Variants in VWA5B2 observed in about 807,000 individuals in gnomAD.
VWA5B2 encodes von Willebrand factor A domain-containing protein 5B2.
In VWA5B2, 93 loss-of-function variants were observed where a neutral mutation model predicts 118.5. That is an observed-to-expected ratio of 0.79 (90% CI 0.66 to 0.93). The LOEUF (loss-of-function observed/expected upper bound fraction) is 0.93. VWA5B2 is among the 40% of genes least tolerant of loss of function. The pLI, the probability that VWA5B2 is intolerant of heterozygous loss-of-function variation, is 0.00. For synonymous variants in VWA5B2, 708 were observed against 716.3 expected, an observed-to-expected ratio of 0.99 and a Z score of 0.19; for missense variants, 1,546 against 1,672.8, an observed-to-expected ratio of 0.92 and a Z score of 1.32.
chr3:184,240,599 T>G, intron 16 of VWA5B2, 192 bp from the exon 17 acceptor site: 1 of 757,024 alleles, frequency 1.3e-6, no homozygotes, highest in Non-Finnish European at 2.1e-6. Flanking sequence ...TGCTCTGCTA[T>G]GGGTTGAAGA....
chr3:184,231,712 C>A (rs980899410), intron 3 of VWA5B2, among the ~76,000 whole-genome samples: 1 of 152,250 alleles, frequency 6.6e-6, no homozygotes, highest in African/African-American at 2.4e-5. Context: ...AGAAGCCCAG[C>A]CCTGTGCTGT....
rs1196363470 is a variant in VWA5B2 at position 184,241,934 on chromosome 3, C to T, written c.3625C>T (p.Leu1209=). Residue 1209 remains leucine (L), a synonymous_variant, in exon 20 of 20, where the codon CTG becomes TTG. Coordinates refer to ENST00000691901, the MANE Select transcript of VWA5B2 (RefSeq NM_001390846.1). The surrounding 1 kb of genome is among the most constrained non-coding windows in gnomAD (Gnocchi z 5.1). ...CCAGCACTTGCCTGACGGCCTTGAC[C>T]TGGCCGCCCTCAAGGCCGCAGCCCG... is the stretch of plus-strand genomic sequence containing the variant. ...RAQHLPDGLD[L]AALKAAARGL... is the part of the protein sequence containing the mutation. The T allele has an allele frequency of 1.4e-5, 21 of 1,548,454 alleles. No homozygotes were observed. The highest frequency in any genetic ancestry group is 1.8e-5 in the Non-Finnish European group (21 of 1,146,550).
intron 1 of VWA5B2, among the ~76,000 whole-genome samples, 132 bp downstream of exon 1, chr3:184,229,845 T>A (rs1332492926): frequency 1.3e-5 from 2 of 152,016 alleles, no homozygotes; most frequent in Non-Finnish European, 2.9e-5. Context: ...AGCGGTAACC[T>A]GGCGGCTCCC....
chr3:184,240,669 G>A, intron 16 of VWA5B2, 122 bp from the exon 17 acceptor site: 1 of 1,356,956 alleles, frequency 7.4e-7, no homozygotes. Flanking sequence ...GGCCTAGCAA[G>A]GCAATCTACT....
chr3:184,230,320 T>G (rs1372760615), intron 1 of VWA5B2, 60 bp from the exon 2 acceptor site: 1 of 523,558 alleles, frequency 1.9e-6, no homozygotes, highest in Non-Finnish European at 3.1e-6. Context: ...CGCGTGAGGA[T>G]GCCCTCCTCG....
chr3:184,234,944 T>A, intron 7 of VWA5B2, 189 bp downstream of exon 7: 1 of 1,115,370 alleles, frequency 9.0e-7, no homozygotes, highest in Non-Finnish European at 1.3e-6. Context: ...TGAATCTCTC[T>A]GGGGTGTGTC....
chr3:184,238,548 A>C lies in VWA5B2; in HGVS notation c.1892-15A>C. 3 of 1,541,460 alleles carry C rather than the reference A, an allele frequency of 1.9e-6. No individual in the cohort carries two copies. Among genetic ancestry groups the C allele is most frequent in the Non-Finnish European group, 8.8e-7 (1 of 1,139,120 alleles). The stretch of plus-strand genomic sequence containing the variant: ...AGGGGTCAGGGCTAGGGCCCATTCT[A>C]CTGCCTCCCAGCAGGTACTGATGCT... On this transcript the variant is annotated splice_polypyrimidine_tract_variant and intron_variant, in intron 13 of 19. Transcript: ENST00000691901. This position sits in a 1 kb window ranked among gnomAD's most constrained non-coding sequence, Gnocchi z 5.0.
chr3:184,232,775 A>C, intron 3 of VWA5B2: 1 of 190,626 alleles, frequency 5.2e-6, no homozygotes. Context: ...GGAGCAGGAA[A>C]TTTATGAGCA....
Position 184,233,198 on chromosome 3 carries a change from G to A in VWA5B2, c.331G>A (p.Ala111Thr). The change falls in exon 4 of 20, where the codon GCC becomes ACC. Residue 111 changes from alanine to threonine, a missense_variant. Ala to Thr is a moderately conservative substitution (Grantham distance 58). Coordinates refer to ENST00000691901, the MANE Select transcript of VWA5B2 (RefSeq NM_001390846.1). This position sits in a 1 kb window ranked among gnomAD's most constrained non-coding sequence, Gnocchi z 5.2. ...CAQGHLVLDL[A>T]QARSTLVLPT... ...CATAGGTCATCTTGTCTTGGATCTG[G>A]CCCAGGCCCGGTCCACGTTGGTGCT... 6.4e-7 allele frequency: 1 copy of A among 1,550,860 alleles called. No individual in the cohort carries two copies. The highest frequency in any genetic ancestry group is 2.0e-5 in the Admixed American group (1 of 50,932).
Position 184,233,637 on chromosome 3 carries a change from GCTGCC to G in VWA5B2, c.594_598del (p.Ala199SerfsTer63). The G allele has an allele frequency of 6.4e-7, 1 of 1,551,290 alleles. No individual in the cohort carries two copies. Among genetic ancestry groups the G allele is most frequent in the Non-Finnish European group, 8.7e-7 (1 of 1,146,960 alleles). ...GGAAGGGCTGGCCTGGGAGGAGCTG[GCTGCC>G]CCTCGGGACGTGTTCTCAGGCCCTG... is the stretch of plus-strand genomic sequence containing the variant. On this transcript the variant is annotated frameshift_variant, in exon 5 of 20. Transcript: ENST00000691901. LOFTEE classifies it high-confidence loss of function. This position sits in a 1 kb window ranked among gnomAD's most constrained non-coding sequence, Gnocchi z 5.2.
rs1298344680 is a variant in VWA5B2, at chr3:184,241,888, G to A, written c.3579G>A (p.Lys1193=). ...ACGAGTGGGAACTGACAGCGGCCAA[G>A]GCTGATTGCTGGCTGCGGGCCCAGC... is the stretch of plus-strand genomic sequence containing the variant. The part of the protein sequence containing the change: ...AFDEWELTAA[K]ADCWLRAQHL... Residue 1193 remains lysine, a synonymous_variant, in exon 20 of 20, where the codon AAG becomes AAA. Transcript: ENST00000691901. The surrounding 1 kb of genome is among the most constrained non-coding windows in gnomAD (Gnocchi z 5.1). 3 of 1,547,438 alleles carry A rather than the reference G, an allele frequency of 1.9e-6. No individual in the cohort carries two copies. The highest frequency in any genetic ancestry group is 2.6e-6 in the Non-Finnish European group (3 of 1,146,770).
chr3:184,235,861 T>A (rs1052669617), intron 8 of VWA5B2, among the ~76,000 whole-genome samples: 2 of 151,040 alleles, frequency 1.3e-5, no homozygotes, highest in Non-Finnish European at 2.9e-5. Flanking sequence ...CACACAGTCA[T>A]GTACACCTCC....
intron 7 of VWA5B2, 52 bp downstream of exon 7, chr3:184,234,807 C>T (rs1438191608): frequency 1.9e-6 from 3 of 1,548,908 alleles, no homozygotes; most frequent in Non-Finnish European, 2.6e-6. Context: ...CATTTGTGCA[C>T]AAGGAGCAGG....
chr3:184,230,739 C>T lies in VWA5B2; in HGVS notation c.140-8C>T, dbSNP rs1448300967. On this transcript the variant is annotated splice_polypyrimidine_tract_variant and splice_region_variant and intron_variant, in intron 2 of 19. Coordinates refer to ENST00000691901, the MANE Select transcript of VWA5B2 (RefSeq NM_001390846.1). ...GGGTCCGACGCCGCCTCCCGCCGCC[C>T]TCCCCAGGCGTGTTCGTGTACCCGC... 4.9e-6 allele frequency: 6 copies of T among 1,218,064 alleles called. No homozygotes were observed. The East Asian group carries it at 1.7e-4, about 35-fold the overall frequency. The allele number at this position is 1,218,064 out of a possible 1,614,324, so 75.5% of individuals were successfully genotyped here.
chr3:184,239,603 C>G lies in VWA5B2; in HGVS notation c.2392+20C>G. 2 of 1,492,724 alleles carry G rather than the reference C, an allele frequency of 1.3e-6. No individual in the cohort carries two copies. The highest frequency in any genetic ancestry group is 2.6e-5 in the South Asian group (2 of 75,894). 92.5% of individuals were successfully genotyped at this position (1,492,724 alleles called of 1,614,324 possible). A position where few individuals can be genotyped will look rare whatever the true frequency, so the allele number is the denominator to read the frequency against. On this transcript the variant is annotated intron_variant, in intron 15 of 19. Transcript: ENST00000691901. The surrounding 1 kb of genome is among the most constrained non-coding windows in gnomAD (Gnocchi z 5.1). ...ACTCAGGTAAGTGTTGGATGGGGAG[C>G]TGGTTTCCCTGACACCAAAGAGGCC...
Position 184,242,289 on chromosome 3 carries a change from C to T in VWA5B2, c.*251C>T. ...TGCAACACAGTGGAAGGGTAGAGAG[C>T]CACAGTCCCCAAATCCTATGCAATA... On this transcript the variant is annotated 3_prime_UTR_variant, in exon 20 of 20. Coordinates refer to ENST00000691901, the MANE Select transcript of VWA5B2 (RefSeq NM_001390846.1). 1.3e-6 allele frequency: 1 copy of T among 742,314 alleles called. No homozygotes were observed. The highest frequency in any genetic ancestry group is 1.6e-5 in the South Asian group (1 of 62,160). 46.0% of individuals were successfully genotyped at this position (742,314 alleles called of 1,614,324 possible).
In VWA5B2 at chr3:184,233,328, C is replaced by T. The variant is rs907813951; in HGVS notation, c.461C>T (p.Thr154Ile). The T allele has an allele frequency of 1.3e-6, 2 of 1,536,968 alleles. No homozygotes were observed. The highest frequency in any genetic ancestry group is 2.7e-5 in the African/African-American group (2 of 72,830). The part of the protein sequence containing the change: ...PDGVLHVALP[T>I]VLTPLAPPGP... ...GGGGTGCTGCATGTGGCCCTGCCCA[C>T]TGTGCTCACCCCGCTGGCCCCGCCA... Residue 154 changes from threonine (T) to isoleucine (I), a missense_variant, in exon 4 of 20, where the codon ACT becomes ATT. Thr to Ile is a moderately conservative substitution (Grantham distance 89). Transcript: ENST00000691901. The surrounding 1 kb of genome is among the most constrained non-coding windows in gnomAD (Gnocchi z 5.2).
In VWA5B2 at chr3:184,233,989, A is replaced by G. The variant is rs1168011338; in HGVS notation, c.688+256A>G. Reference sequence around the variant, plus strand: ...TGGGAAGAGAGATACTTACAATGGGACTAGTACCTGTGATGAAGTAGGTTT... The same window carrying G: ...TGGGAAGAGAGATACTTACAATGGGGCTAGTACCTGTGATGAAGTAGGTTT... On this transcript the variant is annotated intron_variant, in intron 5 of 19. Transcript: ENST00000691901. The surrounding 1 kb of genome is among the most constrained non-coding windows in gnomAD (Gnocchi z 5.2). Among the ~76,000 whole-genome samples the G allele has an allele frequency of 6.6e-6, 1 of 152,174 alleles. No individual in the cohort carries two copies. The highest frequency in any genetic ancestry group is 1.5e-5 in the Non-Finnish European group (1 of 68,010).
intron 3 of VWA5B2, 139 bp downstream of exon 3, chr3:184,231,056 AGTC>A: frequency 8.4e-7 from 1 of 1,185,104 alleles, no homozygotes; most frequent in Non-Finnish European, 1.0e-6. Flanking sequence ...GGTATTTAGC[AGTC>A]GTGGGCTGGG....
Sources: gnomAD v4.1 joint callset for allele counts (sites outside exome capture counted in the v4.1 genomes callset) on GRCh38, gnomAD v4.1.1 for gene constraint, Gnocchi (gnomAD v3.1) non-coding constraint, MANE v1.5 for transcripts, NCBI Gene and HGNC (gene_info 2026-07-23, HGNC 2026-07-21) for gene names.